RYR2: variants seen among roughly 807,000 people sequenced by gnomAD.
RYR2 encodes the protein cardiac muscle ryanodine receptor-calcium release channel.
In RYR2, 227 loss-of-function variants were observed where a neutral mutation model predicts 601.1. The ratio of observed to expected loss-of-function variants is 0.38; its 90% CI spans 0.34 to 0.42. The LOEUF (loss-of-function observed/expected upper bound fraction) is 0.42, where lower values mean the gene tolerates loss of function less well. Ranked by LOEUF, RYR2 falls within the 10% of genes least tolerant of loss-of-function variation. RYR2 has a pLI of 1.00. For synonymous variants in RYR2, 2,223 were observed against 2,175.1 expected (o/e 1.02, Z -0.61); for missense variants, 4,646 against 6,156.5 (o/e 0.75, Z 8.21).
At chr1:237,569,063 T>C in intron 28 of RYR2, 82 bp from the exon 29 acceptor site, 2 of 1,246,088 alleles carry the variant, frequency 1.6e-6, no homozygotes, top group Non-Finnish European at 2.2e-6. Flanking sequence ...AAGGGACTGC[T>C]GTTAGGTCGT....
intron 24 of RYR2, among the ~76,000 whole-genome samples, chr1:237,525,191 T>G (rs1388833932): frequency 6.6e-6 from 1 of 152,158 alleles, no homozygotes; most frequent in Non-Finnish European, 1.5e-5. Context: ...TCCACTTTGC[T>G]TGGCCCCCAC....
At chr1:237,696,819 T>C (rs905271446) in intron 63 of RYR2, among the ~76,000 whole-genome samples, 1 of 152,142 alleles carries the variant, frequency 6.6e-6, no homozygotes, top group African/African-American at 2.4e-5. Flanking sequence ...CAAATATATA[T>C]TCTCAAGTTC....
At chr1:237,684,942 A>T (rs1252687372) in intron 62 of RYR2, among the ~76,000 whole-genome samples, 1 of 151,518 alleles carries the variant, frequency 6.6e-6, no homozygotes, top group Admixed American at 6.6e-5. Context: ...GAGAAAAAAA[A>T]AAATACTGTA....
At chr1:237,239,570 C>T (rs767075577) in intron 1 of RYR2, among the ~76,000 whole-genome samples, 19 of 152,074 alleles carry the variant, frequency 1.2e-4, no homozygotes, top group Admixed American at 3.3e-4. Flanking sequence ...TTACTGCACA[C>T]GTGGCAACAA....
chr1:237,042,357 C>A lies in RYR2; in HGVS notation c.-165C>A. The A allele has an allele frequency of 1.8e-6, 1 of 543,310 alleles. No homozygotes were observed. 33.7% of individuals were successfully genotyped at this position (543,310 alleles called of 1,614,324 possible). A position where few individuals can be genotyped will look rare whatever the true frequency, so the allele number is the denominator to read the frequency against. On this transcript the variant is annotated 5_prime_UTR_variant, in exon 1 of 105. Coordinates refer to ENST00000366574, the MANE Select transcript of RYR2 (RefSeq NM_001035.3). ...CCGCGCCCGAGCGTCCGCGCCTCCTCCTCCGCTCTGCAGGCGGGGACCGCC... is the reference window on the plus strand; with the variant it reads ...CCGCGCCCGAGCGTCCGCGCCTCCTACTCCGCTCTGCAGGCGGGGACCGCC...
chr1:237,627,513 A>G lies in RYR2; in HGVS notation c.6167-294A>G, dbSNP rs59905485. ...TATTAATTGCCATACCTTCAATTAC[A>G]TATGAATTGCCAATGGTAATTTTGA... On this transcript the variant is annotated intron_variant, in intron 40 of 104. Coordinates refer to ENST00000366574, the MANE Select transcript of RYR2 (RefSeq NM_001035.3). 0.026 allele frequency among the ~76,000 whole-genome samples: 3,910 copies of G among 152,318 alleles called. 165 individuals carry two copies. Among genetic ancestry groups the G allele is most frequent in the African/African-American group, 0.089 (3,709 of 41,564 alleles).
chr1:237,684,789 A>AT (rs752960205), intron 62 of RYR2, among the ~76,000 whole-genome samples: 41 of 151,848 alleles, frequency 2.7e-4, no homozygotes, highest in Admixed American at 5.9e-4. Flanking sequence ...ATATATATAT[A>AT]ATGCTTGAAG....
intron 17 of RYR2, among the ~76,000 whole-genome samples, chr1:237,481,832 A>C (rs970719993): frequency 2.1e-5 from 3 of 145,868 alleles, no homozygotes; most frequent in African/African-American, 7.9e-5. Flanking sequence ...AAAAAAAAAA[A>C]AAACCACCTC....
chr1:237,580,874 G>A (rs533076149), intron 29 of RYR2, among the ~76,000 whole-genome samples: 1 of 152,304 alleles, frequency 6.6e-6, no homozygotes, highest in East Asian at 1.9e-4. Context: ...TACACACCAT[G>A]GAGAGAGACC....
At chr1:237,482,536 A>C (rs180683062) in intron 17 of RYR2, among the ~76,000 whole-genome samples, 1 of 152,280 alleles carries the variant, frequency 6.6e-6, no homozygotes, top group African/African-American at 2.4e-5. Flanking sequence ...ACTGGATCAC[A>C]TTCTTTTTTA....
At chr1:237,467,643 C>T (rs933333176) in intron 16 of RYR2, among the ~76,000 whole-genome samples, 11 of 152,068 alleles carry the variant, frequency 7.2e-5, no homozygotes, top group African/African-American at 1.2e-4. Context: ...ATGAAGTTGG[C>T]GTCTTTTCTG....
At chr1:237,758,659 T>G (rs1693158667) in intron 82 of RYR2, among the ~76,000 whole-genome samples, 1 of 152,236 alleles carries the variant, frequency 6.6e-6, no homozygotes, top group Admixed American at 6.5e-5. Context: ...CTACTAAAAT[T>G]TAGTCTGCTT....
chr1:237,733,488 G>C (rs983113071), intron 78 of RYR2, among the ~76,000 whole-genome samples: 5 of 152,148 alleles, frequency 3.3e-5, no homozygotes, highest in African/African-American at 1.2e-4. Context: ...CTTCTGTAAG[G>C]TAAGATGGGA....
chr1:237,308,792 G>C (rs1233043361), intron 2 of RYR2, among the ~76,000 whole-genome samples: 1 of 152,220 alleles, frequency 6.6e-6, no homozygotes, highest in South Asian at 2.1e-4. Context: ...GACCTGAGCA[G>C]GTTGCCTCTG....
chr1:237,650,212 T>A, intron 50 of RYR2, 115 bp downstream of exon 50: 1 of 966,142 alleles, frequency 1.0e-6, no homozygotes, highest in Non-Finnish European at 1.6e-6. Flanking sequence ...CAAATTTAAT[T>A]CATTTTAGGT....
At chr1:237,568,785 A>G (rs1016516618) in intron 28 of RYR2, among the ~76,000 whole-genome samples, 2 of 152,180 alleles carry the variant, frequency 1.3e-5, no homozygotes, top group Non-Finnish European at 2.9e-5. Context: ...AACAAACCGT[A>G]TTCTGGGAAA....
At chr1:237,637,483 C>A (rs532956205) in intron 44 of RYR2, among the ~76,000 whole-genome samples, 1 of 152,092 alleles carries the variant, frequency 6.6e-6, no homozygotes, top group South Asian at 2.1e-4. Flanking sequence ...TCAAAAATTT[C>A]CTGAACACTG....
Position 237,633,594 on chromosome 1 carries a change from A to T in RYR2, c.6572A>T (p.Lys2191Met). The change falls in exon 43 of 105, where the codon AAG becomes ATG. Residue 2191 changes from lysine to methionine, a missense_variant. By Grantham distance (95) the Lys-to-Met change is moderately conservative. Around this residue, in one of 17 missense-constraint regions of RYR2, gnomAD observed 137 missense variants for 273.6 expected, o/e 0.50. Transcript: ENST00000366574. ...TATCTGTAGGAAATCACCTTTCCCA[A>T]GATGGTGGCCAACTGTTGCCGTTTT... The part of the protein sequence containing the change: ...GGESKEITFP[K>M]MVANCCRFLC... 1.9e-6 allele frequency: 3 copies of T among 1,613,982 alleles called. No homozygotes were observed. Among genetic ancestry groups the T allele is most frequent in the Non-Finnish European group, 2.5e-6 (3 of 1,179,860 alleles).
At chr1:237,445,111 G>T (rs550078967) in intron 13 of RYR2, among the ~76,000 whole-genome samples, 199 of 152,254 alleles carry the variant, frequency 1.3e-3, no homozygotes, top group African/African-American at 4.6e-3. Flanking sequence ...TATTCAGGAG[G>T]CAGAGGGAGA....
Sources: gnomAD v4.1 joint callset for allele counts (sites outside exome capture counted in the v4.1 genomes callset) on GRCh38, gnomAD v4.1.1 for gene constraint, gnomAD v4.1.1 regional missense constraint, MANE v1.5 for transcripts, NCBI Gene and HGNC (gene_info 2026-07-23, HGNC 2026-07-21) for gene names.